Variants in BATF2 observed in about 807,000 individuals in gnomAD.
The protein encoded by BATF2 is basic leucine zipper ATF-like transcription factor 2.
BATF2 carries 4 observed loss-of-function variants against 7.3 expected under a neutral mutation model. That is an observed-to-expected ratio of 0.55 (90% CI 0.27 to 1.26). The LOEUF is 1.26. BATF2 is among the 50% of genes most tolerant of loss of function. The pLI, the probability that BATF2 is intolerant of heterozygous loss-of-function variation, is 0.11. For synonymous variants in BATF2, 152 were observed against 153.9 expected (o/e 0.99, Z 0.09); for missense variants, 295 against 340.5 (o/e 0.87, Z 1.05).
chr11:64,989,387 G>A lies in BATF2; in HGVS notation c.567C>T (p.Ser189=). The change falls in exon 3 of 3, where the codon TCC becomes TCT. Residue 189 remains serine (S), a synonymous_variant. Transcript: ENST00000301887. This position sits in a 1 kb window ranked among gnomAD's most constrained non-coding sequence, Gnocchi z 4.3. ...SHTGSSLQGS[S]SKLSALQPSL... is the part of the protein sequence containing the mutation. ...TGGGCTGGAGGGCACTGAGCTTAGAGGAAGACCCCTGCAGGCTGGAACCAG... is the reference window on the plus strand; with the variant it reads ...TGGGCTGGAGGGCACTGAGCTTAGAAGAAGACCCCTGCAGGCTGGAACCAG... 6.3e-7 allele frequency: 1 copy of A among 1,581,612 alleles called. No individual in the cohort carries two copies. The highest frequency in any genetic ancestry group is 8.6e-7 in the Non-Finnish European group (1 of 1,163,038).
Position 64,989,987 on chromosome 11 carries a change from GTCTCCCCT to G in BATF2, c.142-183_142-176del. On this transcript the variant is annotated intron_variant, in intron 2 of 2. Coordinates refer to ENST00000301887, the MANE Select transcript of BATF2 (RefSeq NM_138456.4). This position sits in a 1 kb window ranked among gnomAD's most constrained non-coding sequence, Gnocchi z 4.3. ...CCAGCCCTTCATAACCACCTACCAAGTCTCCCCTGTCCCACCCTCTGAAGGGGGCTCAG... is the reference window on the plus strand; with the variant it reads ...CCAGCCCTTCATAACCACCTACCAAGGTCCCACCCTCTGAAGGGGGCTCAG... The G allele has an allele frequency of 6.6e-7, 1 of 1,506,302 alleles. No homozygotes were observed. Among genetic ancestry groups the G allele is most frequent in the Non-Finnish European group, 9.0e-7 (1 of 1,110,400 alleles). 93.3% of individuals were successfully genotyped at this position (1,506,302 alleles called of 1,614,324 possible).
chr11:64,990,193 C>T (rs1565166155), intron 2 of BATF2: 4 of 1,535,720 alleles, frequency 2.6e-6, no homozygotes, highest in South Asian at 2.4e-5. Flanking sequence ...AGGCACCCAC[C>T]AAATTCCCTG....
chr11:64,989,461 C>T lies in BATF2; in HGVS notation c.493G>A (p.Glu165Lys). ...SLSLGPAVVA[E>K]PPVQLSPSPL... ...CTGGGGGACAGCTGGACAGGAGGTT[C>T]AGCAACCACAGCGGGGCCAAGGGAC... Residue 165 changes from glutamate (E) to lysine (K), a missense_variant, in exon 3 of 3, where the codon GAA becomes AAA. Transcript: ENST00000301887. The surrounding 1 kb of genome is among the most constrained non-coding windows in gnomAD (Gnocchi z 4.3). 2.5e-6 allele frequency: 4 copies of T among 1,611,076 alleles called. No homozygotes were observed. Among genetic ancestry groups the T allele is most frequent in the Non-Finnish European group, 3.4e-6 (4 of 1,178,628 alleles).
rs763383203 is a variant in BATF2 at position 64,989,560 on chromosome 11, G to T, written c.394C>A (p.Pro132Thr). The T allele has an allele frequency of 3.8e-6, 6 of 1,588,924 alleles. No individual in the cohort carries two copies. The African/African-American group carries it at 6.7e-5, about 18-fold the overall frequency. Residue 132 changes from proline (P) to threonine (T), a missense_variant, in exon 3 of 3, where the codon CCA (proline) becomes ACA (threonine). Physicochemically the swap from Pro to Thr is conservative, Grantham distance 38. Transcript: ENST00000301887. The surrounding 1 kb of genome is among the most constrained non-coding windows in gnomAD (Gnocchi z 4.3). ...GGACCTGGAGAGAGCGGCTGAGCTG[G>T]GTAACAGGAACCCGGGGTCTGGAAC... ...ELFQTPGSCYPAQPLSPGPQP... is the reference protein window; with the variant it reads ...ELFQTPGSCYTAQPLSPGPQP...
intron 2 of BATF2, chr11:64,990,233 G>A: frequency 6.5e-7 from 1 of 1,534,814 alleles, no homozygotes. Flanking sequence ...TGTAGTGGCT[G>A]CAGCTCAGAC....
chr11:64,992,817 G>A (rs1946086842), intron 2 of BATF2, among the ~76,000 whole-genome samples: 1 of 151,022 alleles, frequency 6.6e-6, no homozygotes, highest in Non-Finnish European at 1.5e-5. Context: ...AGCCAGGATC[G>A]TGGACTGCAC....
chr11:64,996,750 C>T (rs1019460769), intron 1 of BATF2, 126 bp downstream of exon 1: 49 of 1,177,452 alleles, frequency 4.2e-5, no homozygotes, highest in Non-Finnish European at 5.6e-5. Flanking sequence ...GCAGAGCCCT[C>T]TGTCACACTG....
intron 1 of BATF2, among the ~76,000 whole-genome samples, chr11:64,996,316 A>C (rs1404611463): frequency 6.6e-6 from 1 of 151,974 alleles, no homozygotes; most frequent in Non-Finnish European, 1.5e-5. Flanking sequence ...GAGTGCAGTG[A>C]CATGAGCTCA....
At chr11:64,996,700 C>A (rs1045098343) in intron 1 of BATF2, among the ~76,000 whole-genome samples, 176 bp downstream of exon 1, 9 of 152,236 alleles carry the variant, frequency 5.9e-5, no homozygotes, top group Non-Finnish European at 1.3e-4. Context: ...CAATCCAATC[C>A]CGACTTCGGG....
At chr11:64,992,572 G>T (rs892635639) in intron 2 of BATF2, among the ~76,000 whole-genome samples, 15 of 152,000 alleles carry the variant, frequency 9.9e-5, no homozygotes, top group Non-Finnish European at 1.5e-4. Context: ...ATAAGAAGAG[G>T]GAAGGAGGCT....
In BATF2 at chr11:64,996,366, C is replaced by T. The variant is rs1224971450; in HGVS notation, c.39+510G>A. ...CCATCTCCCGGGTTCAAGCAACTTT[C>T]CTGCCTCAGCCTCTCGAGTAGCTGA... On this transcript the variant is annotated intron_variant, in intron 1 of 2. Coordinates refer to ENST00000301887, the MANE Select transcript of BATF2 (RefSeq NM_138456.4). Among the ~76,000 whole-genome samples, 3 of 152,196 alleles carry T rather than the reference C, an allele frequency of 2.0e-5. No homozygotes were observed. The East Asian group carries it at 5.8e-4, about 29-fold the overall frequency.
At chr11:64,996,493 G>A (rs1366643091) in intron 1 of BATF2, among the ~76,000 whole-genome samples, 2 of 152,202 alleles carry the variant, frequency 1.3e-5, no homozygotes, top group African/African-American at 4.8e-5. Flanking sequence ...CTAACCTCAT[G>A]TTATCTGCCG....
At position 64,989,018 on chromosome 11, in the gene BATF2, C is replaced by A. The variant is rs781456208; in HGVS notation, c.*111G>T. The A allele has an allele frequency of 7.9e-7, 1 of 1,258,150 alleles. No individual in the cohort carries two copies. The highest frequency in any genetic ancestry group is 1.9e-5 in the Admixed American group (1 of 52,198). 77.9% of individuals were successfully genotyped at this position (1,258,150 alleles called of 1,614,324 possible). A position where few individuals can be genotyped will look rare whatever the true frequency, so the allele number is the denominator to read the frequency against. ...TCCTTTTCGACTGTGAAATCCTGGG[C>A]CAGCTGGTCAGCCACGCAGGGCAGC... On this transcript the variant is annotated 3_prime_UTR_variant, in exon 3 of 3. Coordinates refer to ENST00000301887, the MANE Select transcript of BATF2 (RefSeq NM_138456.4). This position sits in a 1 kb window ranked among gnomAD's most constrained non-coding sequence, Gnocchi z 4.3.
rs1294707988 is a variant in BATF2 at position 64,991,164 on chromosome 11, T to TC, written c.142-1353_142-1352insG. 4.9e-3 allele frequency among the ~76,000 whole-genome samples: 732 copies of TC among 148,908 alleles called. 5 individuals are homozygous for TC. The highest frequency in any genetic ancestry group is 0.016 in the African/African-American group (667 of 40,476). ...ATGTGGAATGATGAATTTTTTTTTT[T>TC]TTTTTTTTTTGAGACAGAGTTTTGC... On this transcript the variant is annotated intron_variant, in intron 2 of 2. Transcript: ENST00000301887.
At chr11:64,990,018 C>G in intron 2 of BATF2, 1 of 1,536,722 alleles carries the variant, frequency 6.5e-7, no homozygotes, top group Non-Finnish European at 8.8e-7. Flanking sequence ...GAAGGGGGCT[C>G]AGATCCGCCT....
In BATF2 at chr11:64,996,241, G is replaced by A. The variant is rs1181363916; in HGVS notation, c.39+635C>T. 8.1e-5 allele frequency among the ~76,000 whole-genome samples: 12 copies of A among 148,834 alleles called. No individual in the cohort carries two copies. In the East Asian group the frequency reaches 2.4e-3, roughly 30 times the overall value. ...CTCCCAAAGTGCTGGGATTACAGGT[G>A]TGAGCCACTGAGCCCGGCCTATTTT... On this transcript the variant is annotated intron_variant, in intron 1 of 2. Coordinates refer to ENST00000301887, the MANE Select transcript of BATF2 (RefSeq NM_138456.4).
Position 64,989,418 on chromosome 11 carries a change from G to A in BATF2, c.536C>T (p.Ser179Leu), listed in dbSNP as rs368995882. Residue 179 changes from serine to leucine, a missense_variant, in exon 3 of 3, where the codon TCG (serine) becomes TTG (leucine). Transcript: ENST00000301887. The surrounding 1 kb of genome is among the most constrained non-coding windows in gnomAD (Gnocchi z 4.3). ...QLSPSPLLFA[S>L]HTGSSLQGSS... Reference sequence around the variant, plus strand: ...CCCCTGCAGGCTGGAACCAGTGTGCGAGGCAAACAGGAGAGGGCTGGGGGA... The same window carrying A: ...CCCCTGCAGGCTGGAACCAGTGTGCAAGGCAAACAGGAGAGGGCTGGGGGA... The A allele has an allele frequency of 3.3e-5, 52 of 1,599,810 alleles. No individual in the cohort carries two copies. The highest frequency in any genetic ancestry group is 3.1e-4 in the East Asian group (14 of 44,736).
chr11:64,995,233 C>T (rs535791002), intron 1 of BATF2, among the ~76,000 whole-genome samples: 10 of 152,294 alleles, frequency 6.6e-5, no homozygotes, highest in African/African-American at 2.4e-4. Flanking sequence ...AAAGCCCATG[C>T]GGCAGGCAGC....
At chr11:64,990,220 C>T in intron 2 of BATF2, 2 of 1,535,542 alleles carry the variant, frequency 1.3e-6, no homozygotes, top group East Asian at 2.4e-5. Context: ...AATTCCAGGC[C>T]TGTGTAGTGG....
Sources: allele counts gnomAD v4.1 joint callset (sites outside exome capture counted in the v4.1 genomes callset), GRCh38; gene constraint gnomAD v4.1.1; non-coding constraint Gnocchi (gnomAD v3.1); transcripts MANE v1.5; gene names NCBI Gene and HGNC (gene_info 2026-07-23, HGNC 2026-07-21).